The following SLC8A1 variants were observed in gnomAD, a reference collection of about 807,000 sequenced individuals.
SLC8A1 encodes the protein solute carrier family 8 member A1, also known as sodium/calcium exchanger 1.
A neutral mutation model predicts 68.3 loss-of-function variants in SLC8A1; 18 were observed. The observed-to-expected ratio is 0.26, with a 90% CI of 0.18 to 0.39. SLC8A1 has a LOEUF of 0.39. Ranked by LOEUF, SLC8A1 falls within the 10% of genes least tolerant of loss-of-function variation. The pLI is 1.00. For synonymous variants in SLC8A1, 475 were observed against 415.5 expected (o/e 1.14, Z -1.74); for missense variants, 985 against 1,156.7 (o/e 0.85, Z 2.15).
intron 2 of SLC8A1, among the ~76,000 whole-genome samples, chr2:40,252,976 T>C (rs1050696828): frequency 3.5e-5 from 5 of 144,216 alleles, no homozygotes; most frequent in East Asian, 2.0e-4. Flanking sequence ...TATGTACATA[T>C]ATGTATCTGT....
chr2:40,283,680 G>A (rs2067840824), intron 2 of SLC8A1, among the ~76,000 whole-genome samples: 1 of 152,182 alleles, frequency 6.6e-6, no homozygotes, highest in Non-Finnish European at 1.5e-5. Flanking sequence ...AGAGCTCCAT[G>A]CTCTTTATCT....
intron 2 of SLC8A1, among the ~76,000 whole-genome samples, chr2:40,327,157 C>A (rs990397689): frequency 2.0e-5 from 3 of 152,060 alleles, no homozygotes; most frequent in African/African-American, 7.3e-5. Flanking sequence ...ACATTTGAAA[C>A]CTATAATGCA....
At chr2:40,248,468 A>G (rs1056275576) in intron 2 of SLC8A1, among the ~76,000 whole-genome samples, 7 of 152,156 alleles carry the variant, frequency 4.6e-5, no homozygotes, top group African/African-American at 9.7e-5. Context: ...ATGGCTGTCT[A>G]TGAATCAGGA....
intron 6 of SLC8A1, among the ~76,000 whole-genome samples, chr2:40,149,524 A>G (rs1055487332): frequency 5.9e-5 from 9 of 152,212 alleles, no homozygotes; most frequent in Admixed American, 5.2e-4. Flanking sequence ...AAAGTATTCC[A>G]TGCAGAGAAA....
At chr2:40,370,692 G>A (rs6712622) in intron 2 of SLC8A1, among the ~76,000 whole-genome samples, 77,479 of 151,874 alleles carry the variant, frequency 0.51, 20,533 homozygotes, top group African/African-American at 0.63. Flanking sequence ...AGCAAAGAAA[G>A]CCTCTACTGT....
intron 6 of SLC8A1, among the ~76,000 whole-genome samples, chr2:40,157,747 T>G (rs904753130): frequency 6.6e-6 from 1 of 152,208 alleles, no homozygotes; most frequent in Admixed American, 6.5e-5. Context: ...CTTGCAAGTT[T>G]TGACAGCCAT....
intron 6 of SLC8A1, among the ~76,000 whole-genome samples, chr2:40,155,877 G>T (rs394157): frequency 0.1 from 15,184 of 152,104 alleles, 895 homozygotes; most frequent in Admixed American, 0.18. Context: ...GTGTGGACAG[G>T]TCAGCAGCAT....
At chr2:40,471,651 C>T (rs1036508247) in intron 1 of SLC8A1, among the ~76,000 whole-genome samples, 1 of 152,134 alleles carries the variant, frequency 6.6e-6, no homozygotes, top group Non-Finnish European at 1.5e-5. Flanking sequence ...AGTTACTGAC[C>T]TCAGGCATCT....
intron 2 of SLC8A1, among the ~76,000 whole-genome samples, chr2:40,378,229 G>A (rs144358537): frequency 4.1e-3 from 630 of 152,238 alleles, no homozygotes; most frequent in Non-Finnish European, 6.8e-3. Context: ...TATATGGAAG[G>A]ACATGGGAGC....
rs182398557 is a variant in SLC8A1, at chr2:40,253,273, A to T, written c.1809-75418T>A. On this transcript the variant is annotated intron_variant, in intron 2 of 7. Coordinates refer to ENST00000406785, the Ensembl canonical transcript of SLC8A1. ...CATATGTATACATATATACATGTAC[A>T]TATGACGTATATATGTGTATATACA... 4.3e-4 allele frequency among the ~76,000 whole-genome samples: 65 copies of T among 150,644 alleles called. No homozygotes were observed. The East Asian group carries it at 0.012, about 29-fold the overall frequency.
chr2:40,327,582 T>TAA (rs71406057), intron 2 of SLC8A1, among the ~76,000 whole-genome samples: 10 of 151,198 alleles, frequency 6.6e-5, no homozygotes, highest in Non-Finnish European at 1.2e-4. Context: ...TATGCAACCA[T>TAA]AAAAAAAAAC....
At chr2:40,196,498 T>C (rs1269294558) in intron 2 of SLC8A1, among the ~76,000 whole-genome samples, 15 of 152,066 alleles carry the variant, frequency 9.9e-5, no homozygotes, top group Admixed American at 9.2e-4. Context: ...CTGTGAAGCT[T>C]TAGAAACGAA....
intron 6 of SLC8A1, among the ~76,000 whole-genome samples, chr2:40,140,250 GC>G: frequency 6.6e-6 from 1 of 152,074 alleles, no homozygotes; most frequent in Non-Finnish European, 1.5e-5. Flanking sequence ...ATAATTATAT[GC>G]CAAAAAATGA....
intron 2 of SLC8A1, among the ~76,000 whole-genome samples, chr2:40,206,883 C>G (rs1040567945): frequency 6.6e-6 from 1 of 151,932 alleles, no homozygotes; most frequent in African/African-American, 2.4e-5. Context: ...AGAGGTGCCA[C>G]ATTGTAAATG....
intron 6 of SLC8A1, among the ~76,000 whole-genome samples, chr2:40,152,211 T>G (rs1481345447): frequency 6.6e-6 from 1 of 152,208 alleles, no homozygotes; most frequent in Non-Finnish European, 1.5e-5. Context: ...AAGTATGTAT[T>G]TCTTGAAAGG....
intron 2 of SLC8A1, among the ~76,000 whole-genome samples, chr2:40,404,125 G>C (rs1689608332): frequency 6.6e-6 from 1 of 151,842 alleles, no homozygotes; most frequent in Non-Finnish European, 1.5e-5. Flanking sequence ...TGAGATTCTG[G>C]GCTCAAGTGA....
chr2:40,449,680 A>AAAG (rs1702085059), intron 1 of SLC8A1, among the ~76,000 whole-genome samples: 2 of 143,004 alleles, frequency 1.4e-5, no homozygotes, highest in Non-Finnish European at 3.0e-5. Flanking sequence ...ATATTAAAGT[A>AAAG]AAGACATAGG....
intron 2 of SLC8A1, among the ~76,000 whole-genome samples, chr2:40,205,827 A>AG (rs1352793672): frequency 6.6e-6 from 1 of 151,504 alleles, no homozygotes; most frequent in South Asian, 2.1e-4. Context: ...AAAAAAAAAA[A>AG]AAAAAGAAAA....
exon 5 of SLC8A1, chr2:40,164,864 T>A: frequency 6.2e-7 from 1 of 1,613,828 alleles, no homozygotes; most frequent in African/African-American, 1.3e-5. Context: ...CTTGAATTCA[T>A]AGGATTCTTC....
Sources: gnomAD v4.1 joint callset for allele counts (sites outside exome capture counted in the v4.1 genomes callset) on GRCh38, gnomAD v4.1.1 for gene constraint, MANE v1.5 for transcripts, NCBI Gene and HGNC (gene_info 2026-07-23, HGNC 2026-07-21) for gene names.